SLC27A2: variants seen among roughly 807,000 people sequenced by gnomAD.
SLC27A2 encodes the protein solute carrier family 27 member 2.
SLC27A2 carries 54 observed loss-of-function variants against 60.0 expected under a neutral mutation model. The ratio of observed to expected loss-of-function variants is 0.90; its 90% CI spans 0.72 to 1.13. The LOEUF is 1.13. Ranked by LOEUF, SLC27A2 falls within the 50% of genes most tolerant of loss-of-function variation. The pLI is 0.00. For synonymous variants in SLC27A2, 297 were observed against 297.6 expected (o/e 1.00, Z 0.02); for missense variants, 739 against 777.6 (o/e 0.95, Z 0.59).
chr15:50,183,994 C>CTTATTTTTTTTTTTTTTTTTT (rs2044897549), intron 1 of SLC27A2, among the ~76,000 whole-genome samples: 1 of 91,138 alleles, frequency 1.1e-5, no homozygotes, highest in Non-Finnish European at 2.1e-5. Flanking sequence ...TTTCCTACAT[C>CTTATTTTTTTTTTTTTTTTTT]TTTTTTTTTT....
chr15:50,182,221 G>A lies in SLC27A2; in HGVS notation c.-207G>A, dbSNP rs972753997. ...AGTCCTGCCCGGAACCCCCGGCAACGCGCATACGACTACACCTGCTCCGGA... is the reference window on the plus strand; with the variant it reads ...AGTCCTGCCCGGAACCCCCGGCAACACGCATACGACTACACCTGCTCCGGA... On this transcript the variant is annotated 5_prime_UTR_variant, in exon 1 of 10. Coordinates refer to ENST00000267842, the MANE Select transcript of SLC27A2 (RefSeq NM_003645.4). 39 of 731,990 alleles carry A rather than the reference G, an allele frequency of 5.3e-5. 1 individual carries two copies. Among genetic ancestry groups the A allele is most frequent in the Non-Finnish European group, 6.3e-5 (34 of 536,630 alleles). The allele number at this position is 731,990 out of a possible 1,614,324, so 45.3% of individuals were successfully genotyped here.
chr15:50,234,634 T>G (rs755734165), intron 9 of SLC27A2, among the ~76,000 whole-genome samples: 63 of 150,324 alleles, frequency 4.2e-4, no homozygotes, highest in Non-Finnish European at 2.2e-4. Context: ...TGATGTGCAC[T>G]TGTAGTCTCA....
chr15:50,235,336 A>G (rs936247741), intron 9 of SLC27A2, among the ~76,000 whole-genome samples: 2 of 152,160 alleles, frequency 1.3e-5, no homozygotes, highest in African/African-American at 4.8e-5. Flanking sequence ...GAGAAAACAG[A>G]GTTGTCTGTA....
intron 8 of SLC27A2, among the ~76,000 whole-genome samples, chr15:50,230,398 C>G (rs143867822): frequency 6.6e-6 from 1 of 151,958 alleles, no homozygotes; most frequent in African/African-American, 2.4e-5. Context: ...CAAACATTAG[C>G]CAGGGGTGGT....
intron 1 of SLC27A2, among the ~76,000 whole-genome samples, chr15:50,192,669 A>G (rs2044983243): frequency 6.6e-6 from 1 of 151,622 alleles, no homozygotes; most frequent in Admixed American, 6.6e-5. Context: ...CTCAGCCTCC[A>G]GAGTAGCTGG....
chr15:50,199,922 GA>G (rs1225020324), intron 2 of SLC27A2, among the ~76,000 whole-genome samples: 3 of 151,896 alleles, frequency 2.0e-5, no homozygotes, highest in Non-Finnish European at 4.4e-5. Flanking sequence ...ACTGTCTGTA[GA>G]AAAAAAATAG....
chr15:50,217,109 G>A (rs74200854), intron 4 of SLC27A2, among the ~76,000 whole-genome samples: 1 of 151,314 alleles, frequency 6.6e-6, no homozygotes, highest in African/African-American at 2.4e-5. Flanking sequence ...AGAGTGGGAG[G>A]GGGACGAGGG....
chr15:50,221,071 T>C (rs1482244697), intron 4 of SLC27A2, among the ~76,000 whole-genome samples: 1 of 151,924 alleles, frequency 6.6e-6, no homozygotes, highest in Non-Finnish European at 1.5e-5. Context: ...CCAGGTATGG[T>C]AGCACGCACC....
chr15:50,235,609 G>A (rs996269600), intron 9 of SLC27A2, among the ~76,000 whole-genome samples: 2 of 152,162 alleles, frequency 1.3e-5, no homozygotes, highest in African/African-American at 4.8e-5. Flanking sequence ...GTAAAGAGTG[G>A]ATGTTACTTG....
rs181750213 is a variant in SLC27A2, at chr15:50,235,315, A to G, written c.1687-605A>G. ...ATCAGTCTTCAATCTAATCTAATAG[A>G]CAAGCAGACTGAGAAAACAGAGTTG... On this transcript the variant is annotated intron_variant, in intron 9 of 9. Transcript: ENST00000267842. Among the ~76,000 whole-genome samples, 10 of 152,310 alleles carry G rather than the reference A, an allele frequency of 6.6e-5. No homozygotes were observed. The East Asian group carries it at 1.7e-3, about 26-fold the overall frequency.
chr15:50,224,171 C>T (rs534039110), intron 5 of SLC27A2, among the ~76,000 whole-genome samples: 4 of 152,262 alleles, frequency 2.6e-5, no homozygotes, highest in East Asian at 3.9e-4. Flanking sequence ...CCAGGCGCAG[C>T]GGCTCACGCC....
At chr15:50,203,199 A>AG (rs1434392355) in intron 3 of SLC27A2, among the ~76,000 whole-genome samples, 10 of 151,810 alleles carry the variant, frequency 6.6e-5, no homozygotes, top group Non-Finnish European at 1.3e-4. Flanking sequence ...AAAAAAAAAA[A>AG]TTTTAGGTTA....
intron 2 of SLC27A2, among the ~76,000 whole-genome samples, chr15:50,200,765 C>T (rs756162326): frequency 2.6e-5 from 4 of 151,528 alleles, no homozygotes; most frequent in Non-Finnish European, 5.9e-5. Flanking sequence ...TTACAAAAAA[C>T]GTATATAAAT....
At position 50,182,393 on chromosome 15, in the gene SLC27A2, C is replaced by G; in HGVS notation, c.-35C>G. 1 of 1,543,474 alleles carries G rather than the reference C, an allele frequency of 6.5e-7. No individual in the cohort carries two copies. Among genetic ancestry groups the G allele is most frequent in the African/African-American group, 1.4e-5 (1 of 73,108 alleles). On this transcript the variant is annotated 5_prime_UTR_variant, in exon 1 of 10. Coordinates refer to ENST00000267842, the MANE Select transcript of SLC27A2 (RefSeq NM_003645.4). The stretch of plus-strand genomic sequence containing the variant: ...GCGCTGCACGCCCGGGGTGAACCCT[C>G]TGCCCTCGCTGGGACAGAGGGCCCC...
chr15:50,206,460 G>A (rs1267345908), intron 4 of SLC27A2, among the ~76,000 whole-genome samples: 1 of 152,148 alleles, frequency 6.6e-6, no homozygotes, highest in Non-Finnish European at 1.5e-5. Context: ...ACCAGCTGCC[G>A]TGTGACGCAG....
chr15:50,204,192 C>G (rs1057469007), intron 3 of SLC27A2, among the ~76,000 whole-genome samples: 2 of 152,184 alleles, frequency 1.3e-5, no homozygotes, highest in African/African-American at 4.8e-5. Context: ...GGGCCAGGCA[C>G]AGTGGCTTAT....
chr15:50,229,728 T>C (rs1348073103), intron 8 of SLC27A2, among the ~76,000 whole-genome samples: 2 of 152,180 alleles, frequency 1.3e-5, no homozygotes, highest in Non-Finnish European at 2.9e-5. Flanking sequence ...CAAATATATA[T>C]ATAAGGGTTG....
chr15:50,185,342 G>A (rs1321124948), intron 1 of SLC27A2, among the ~76,000 whole-genome samples: 2 of 152,094 alleles, frequency 1.3e-5, no homozygotes, highest in African/African-American at 4.8e-5. Flanking sequence ...GACCTCTGAG[G>A]GAGGCCACAT....
chr15:50,213,876 ACAATC>A (rs1567433722), intron 4 of SLC27A2, among the ~76,000 whole-genome samples: 1 of 152,140 alleles, frequency 6.6e-6, no homozygotes, highest in African/African-American at 2.4e-5. Context: ...GCACAAACAG[ACAATC>A]TAAGGTCACA....
Sources: allele counts gnomAD v4.1 joint callset (sites outside exome capture counted in the v4.1 genomes callset), GRCh38; gene constraint gnomAD v4.1.1; transcripts MANE v1.5; gene names NCBI Gene and HGNC (gene_info 2026-07-23, HGNC 2026-07-21).